MINDY2: variants seen among roughly 807,000 people sequenced by gnomAD.
MINDY2 encodes the protein ubiquitin carboxyl-terminal hydrolase MINDY-2.
In MINDY2, 52 loss-of-function variants were observed where a neutral mutation model predicts 68.2. The ratio of observed to expected loss-of-function variants is 0.76; its 90% CI spans 0.61 to 0.96. The LOEUF is 0.96. MINDY2 is among the 40% of genes least tolerant of loss of function. The probability of loss-of-function intolerance (pLI) is 0.00; values close to 1 mark genes in which losing one functional copy is unlikely to be tolerated. For synonymous variants in MINDY2, 372 were observed against 303.0 expected, an observed-to-expected ratio of 1.23 and a Z score of -2.36; for missense variants, 881 against 773.4, an observed-to-expected ratio of 1.14 and a Z score of -1.65.
chr15:58,802,825 T>A (rs564143285), intron 3 of MINDY2, among the ~76,000 whole-genome samples: 134 of 152,348 alleles, frequency 8.8e-4, no homozygotes, highest in Middle Eastern at 3.4e-3. Flanking sequence ...AGTTTCAGTA[T>A]CCACATTTCT....
intron 2 of MINDY2, among the ~76,000 whole-genome samples, chr15:58,791,314 A>G (rs541381491): frequency 6.8e-6 from 1 of 147,638 alleles, no homozygotes; most frequent in African/African-American, 2.5e-5. Context: ...CTGTAATGAT[A>G]GAAATGTTCT....
rs138320718 is a variant in MINDY2 at position 58,786,582 on chromosome 15, C to T, written c.841-1324C>T. Reference sequence around the variant, plus strand: ...TAGTTTAAATATCACTATAACGTATCTTTACTTTTAACCTTCTTATTGTGA... The same window carrying T: ...TAGTTTAAATATCACTATAACGTATTTTTACTTTTAACCTTCTTATTGTGA... On this transcript the variant is annotated intron_variant, in intron 1 of 8. Transcript: ENST00000559228. 1.8e-3 allele frequency among the ~76,000 whole-genome samples: 277 copies of T among 152,172 alleles called. 2 individuals carry two copies. Among genetic ancestry groups the T allele is most frequent in the African/African-American group, 6.5e-3 (268 of 41,504 alleles).
At chr15:58,853,819 TAAAAAA>T (rs10563818) in intron 8 of MINDY2, among the ~76,000 whole-genome samples, 28 of 102,200 alleles carry the variant, frequency 2.7e-4, no homozygotes, top group African/African-American at 8.7e-4. Flanking sequence ...TCCATCTCAA[TAAAAAA>T]AAAAAAAAAA....
chr15:58,800,336 G>C (rs1169907364), intron 2 of MINDY2, among the ~76,000 whole-genome samples: 1 of 151,980 alleles, frequency 6.6e-6, no homozygotes, highest in Non-Finnish European at 1.5e-5. Context: ...CCCTAAATTA[G>C]CCTACATATC....
chr15:58,801,599 A>G (rs1365410610), intron 2 of MINDY2, among the ~76,000 whole-genome samples: 1 of 152,160 alleles, frequency 6.6e-6, no homozygotes, highest in Admixed American at 6.5e-5. Flanking sequence ...GTGATACCAA[A>G]TAAAAACTCG....
chr15:58,786,421 C>T (rs758410156), intron 1 of MINDY2, among the ~76,000 whole-genome samples: 9 of 152,118 alleles, frequency 5.9e-5, no homozygotes, highest in East Asian at 1.9e-4. Flanking sequence ...GGAATGTGCT[C>T]GTCACTGTCA....
chr15:58,806,555 A>T (rs981477185), intron 3 of MINDY2, among the ~76,000 whole-genome samples: 2 of 152,012 alleles, frequency 1.3e-5, no homozygotes, highest in African/African-American at 4.8e-5. Context: ...CTTTATGAAG[A>T]TATCAAATGG....
intron 6 of MINDY2, among the ~76,000 whole-genome samples, chr15:58,834,885 AT>A (rs1567068824): frequency 3.9e-5 from 6 of 152,224 alleles, no homozygotes; most frequent in Admixed American, 1.3e-4. Flanking sequence ...GCTCATTTGT[AT>A]AACTTCAACA....
chr15:58,845,331 G>C (rs1296278265), intron 6 of MINDY2, among the ~76,000 whole-genome samples: 1 of 151,756 alleles, frequency 6.6e-6, no homozygotes, highest in Non-Finnish European at 1.5e-5. Context: ...ACTTGGACCT[G>C]GTAGATGGAG....
At chr15:58,774,982 C>T (rs1287108352) in intron 1 of MINDY2, among the ~76,000 whole-genome samples, 7 of 152,088 alleles carry the variant, frequency 4.6e-5, no homozygotes, top group Admixed American at 4.6e-4. Flanking sequence ...AAAAACCAGT[C>T]ATAAGTAATC....
At chr15:58,854,015 T>C (rs1006544818) in intron 8 of MINDY2, among the ~76,000 whole-genome samples, 1 of 151,676 alleles carries the variant, frequency 6.6e-6, no homozygotes, top group Non-Finnish European at 1.5e-5. Context: ...GAGGCCAAGG[T>C]GGGCGGATCA....
rs1900361124 is a variant in MINDY2, at chr15:58,771,317, A to G, written c.-79A>G. The G allele has an allele frequency of 6.5e-7, 1 of 1,532,976 alleles. No homozygotes were observed. Among genetic ancestry groups the G allele is most frequent in the Non-Finnish European group, 8.7e-7 (1 of 1,143,100 alleles). The allele number at this position is 1,532,976 out of a possible 1,614,324, so 95.0% of individuals were successfully genotyped here. A position where few individuals can be genotyped will look rare whatever the true frequency, so the allele number is the denominator to read the frequency against. On this transcript the variant is annotated 5_prime_UTR_variant, in exon 1 of 9. In the 5' UTR this introduces an upstream ATG that the reference lacks. Transcript: ENST00000559228. Reference sequence around the variant, plus strand: ...GCGCCAGGGCGCTGTTGCTGCCAATACAGCTGTCATGGCGTCCAAGGCGCT... The same window carrying G: ...GCGCCAGGGCGCTGTTGCTGCCAATGCAGCTGTCATGGCGTCCAAGGCGCT...
intron 1 of MINDY2, among the ~76,000 whole-genome samples, chr15:58,782,221 T>G (rs539096991): frequency 6.6e-6 from 1 of 152,228 alleles, no homozygotes; most frequent in African/African-American, 2.4e-5. Context: ...CAATTTCTAC[T>G]AAAAAATCAT....
At chr15:58,838,879 C>T (rs2032136370) in intron 6 of MINDY2, among the ~76,000 whole-genome samples, 1 of 151,742 alleles carries the variant, frequency 6.6e-6, no homozygotes, top group South Asian at 2.1e-4. Context: ...CTGAGCCCGG[C>T]CTAATTTTTA....
At chr15:58,784,479 G>A (rs1296477161) in intron 1 of MINDY2, among the ~76,000 whole-genome samples, 5 of 152,020 alleles carry the variant, frequency 3.3e-5, no homozygotes, top group South Asian at 2.1e-4. Context: ...CAAATTTTAC[G>A]GAGAATATTT....
intron 2 of MINDY2, among the ~76,000 whole-genome samples, chr15:58,792,782 G>C (rs550016229): frequency 6.6e-6 from 1 of 152,276 alleles, no homozygotes; most frequent in African/African-American, 2.4e-5. Context: ...GATGAACCCT[G>C]AAACTTTTAA....
intron 2 of MINDY2, among the ~76,000 whole-genome samples, chr15:58,795,631 C>G (rs1902232080): frequency 6.6e-6 from 1 of 152,168 alleles, no homozygotes; most frequent in Non-Finnish European, 1.5e-5. Flanking sequence ...GTCTCGATCT[C>G]CTGACCTCGT....
intron 5 of MINDY2, among the ~76,000 whole-genome samples, chr15:58,823,037 A>G (rs929652875): frequency 7.2e-5 from 11 of 152,268 alleles, no homozygotes; most frequent in Admixed American, 7.2e-4. Flanking sequence ...AACTAATTAC[A>G]TTACTTAATT....
intron 4 of MINDY2, among the ~76,000 whole-genome samples, chr15:58,814,250 T>G (rs1235224620): frequency 6.6e-6 from 1 of 152,212 alleles, no homozygotes; most frequent in Non-Finnish European, 1.5e-5. Flanking sequence ...TAATTTGCAT[T>G]TCTTTAACGG....
Sources: gnomAD v4.1 joint callset for allele counts (sites outside exome capture counted in the v4.1 genomes callset) on GRCh38, gnomAD v4.1.1 for gene constraint, MANE v1.5 for transcripts, NCBI Gene and HGNC (gene_info 2026-07-23, HGNC 2026-07-21) for gene names.